Variants in FAM13A observed in about 807,000 individuals in gnomAD.
FAM13A encodes the protein family with sequence similarity 13 member A.
FAM13A carries 76 observed loss-of-function variants against 129.6 expected under a neutral mutation model. That is an observed-to-expected ratio of 0.59 (90% CI 0.49 to 0.71). FAM13A has a LOEUF of 0.71. Ranked by LOEUF, FAM13A falls within the 30% of genes least tolerant of loss-of-function variation. FAM13A has a pLI of 0.00. For synonymous variants in FAM13A, 443 were observed against 449.9 expected (o/e 0.98, Z 0.20); for missense variants, 1,108 against 1,249.3 (o/e 0.89, Z 1.70).
intron 1 of FAM13A, among the ~76,000 whole-genome samples, chr4:89,043,437 G>A (rs1037936539): frequency 6.6e-6 from 1 of 152,054 alleles, no homozygotes; most frequent in Non-Finnish European, 1.5e-5. Context: ...GCAATAGAGG[G>A]GGGAATCTCC....
chr4:88,879,087 T>C (rs1402305764), intron 6 of FAM13A, among the ~76,000 whole-genome samples: 1 of 152,180 alleles, frequency 6.6e-6, no homozygotes, highest in Non-Finnish European at 1.5e-5. Context: ...CCTTTATATA[T>C]AAAACACATC....
In FAM13A at chr4:88,880,148, C is replaced by T. The variant is rs141821410; in HGVS notation, c.843+26231G>A. ...TGGAGACTCACACTGTGAACTTTTG[C>T]TCCTAGAACTACCACAGGGACATAG... On this transcript the variant is annotated intron_variant, in intron 6 of 23. Transcript: ENST00000264344. Among the ~76,000 whole-genome samples, 386 of 152,224 alleles carry T rather than the reference C, an allele frequency of 2.5e-3. 3 individuals are homozygous for T. Among genetic ancestry groups the T allele is most frequent in the African/African-American group, 8.8e-3 (367 of 41,542 alleles).
At chr4:88,943,118 CTA>C (rs1250874223) in intron 4 of FAM13A, among the ~76,000 whole-genome samples, 1 of 152,152 alleles carries the variant, frequency 6.6e-6, no homozygotes, top group African/African-American at 2.4e-5. Context: ...AAATGAATGA[CTA>C]TTATTCACAG....
At chr4:88,967,759 G>T (rs1178531713) in intron 4 of FAM13A, among the ~76,000 whole-genome samples, 1 of 152,204 alleles carries the variant, frequency 6.6e-6, no homozygotes, top group Non-Finnish European at 1.5e-5. Flanking sequence ...TTAATCAGCA[G>T]TTCAGTTATT....
At chr4:88,824,832 C>T (rs1054994380) in intron 7 of FAM13A, among the ~76,000 whole-genome samples, 2 of 151,704 alleles carry the variant, frequency 1.3e-5, no homozygotes, top group African/African-American at 2.4e-5. Context: ...CTCAGCCTCC[C>T]GAGTAGCTGG....
At chr4:88,892,982 C>T (rs1051333021) in intron 6 of FAM13A, among the ~76,000 whole-genome samples, 2 of 152,144 alleles carry the variant, frequency 1.3e-5, no homozygotes, top group East Asian at 3.9e-4. Context: ...TGAATACATA[C>T]AACTGATAAC....
chr4:89,055,806 G>A (rs1229923060), intron 1 of FAM13A, among the ~76,000 whole-genome samples: 2 of 152,166 alleles, frequency 1.3e-5, no homozygotes, highest in East Asian at 1.9e-4. Context: ...GGAAGACAGA[G>A]TGACATACAT....
intron 5 of FAM13A, among the ~76,000 whole-genome samples, chr4:88,923,401 C>A (rs368058011): frequency 6.6e-6 from 1 of 152,084 alleles, no homozygotes; most frequent in South Asian, 2.1e-4. Flanking sequence ...GTTCAACAAA[C>A]GCAAATCAAT....
intron 7 of FAM13A, among the ~76,000 whole-genome samples, chr4:88,813,164 A>G (rs1730002244): frequency 6.6e-6 from 1 of 152,162 alleles, no homozygotes; most frequent in South Asian, 2.1e-4. Context: ...GTAATGTTTG[A>G]GTATGGCCTT....
chr4:88,819,559 AT>A (rs1731483184), intron 7 of FAM13A, among the ~76,000 whole-genome samples: 1 of 152,182 alleles, frequency 6.6e-6, no homozygotes, highest in African/African-American at 2.4e-5. Flanking sequence ...TGAAATATGA[AT>A]TGTACAAAGA....
At position 89,020,448 on chromosome 4, in the gene FAM13A, TATTGTACTAACCCTGAAAGAGTTGA is replaced by T. The variant is rs757345113; in HGVS notation, c.414_427+11del. ...AGTTGTTTTAACTCCTAAAAGGATT[TATTGTACTAACCCTGAAAGAGTTGA>T]ATGAATCGAGGCTGCAACGCTGAGG... On this transcript the variant is annotated splice_donor_variant and splice_donor_5th_base_variant and coding_sequence_variant and intron_variant, in exon 3 of 24. Coordinates refer to ENST00000264344, the MANE Select transcript of FAM13A (RefSeq NM_014883.4). LOFTEE classifies it high-confidence loss of function. 5 of 1,605,864 alleles carry T rather than the reference TATTGTACTAACCCTGAAAGAGTTGA, an allele frequency of 3.1e-6. No individual in the cohort carries two copies. In the African/African-American group the frequency reaches 6.7e-5, roughly 22 times the overall value.
chr4:88,892,239 G>A (rs1453832342), intron 6 of FAM13A, among the ~76,000 whole-genome samples: 2 of 147,876 alleles, frequency 1.4e-5, no homozygotes, highest in African/African-American at 5.0e-5. Flanking sequence ...GAGTGCAGTG[G>A]CGAGATCTCG....
At chr4:89,039,386 A>G (rs577992217) in intron 1 of FAM13A, among the ~76,000 whole-genome samples, 1 of 152,366 alleles carries the variant, frequency 6.6e-6, no homozygotes, top group East Asian at 1.9e-4. Context: ...CACAATGCAT[A>G]ACACAAACAG....
Position 88,863,171 on chromosome 4 carries a change from G to A in FAM13A, c.844-11988C>T, listed in dbSNP as rs139339925. On this transcript the variant is annotated intron_variant, in intron 6 of 23. Coordinates refer to ENST00000264344, the MANE Select transcript of FAM13A (RefSeq NM_014883.4). ...ACTGGCTGCCAGAGGAACTAACTGC[G>A]TGATTAGAGGGTGGGAACTTACAGC... Among the ~76,000 whole-genome samples, 242 of 152,240 alleles carry A rather than the reference G, an allele frequency of 1.6e-3. 2 individuals carry two copies. Among genetic ancestry groups the A allele is most frequent in the African/African-American group, 5.6e-3 (234 of 41,534 alleles).
intron 6 of FAM13A, among the ~76,000 whole-genome samples, chr4:88,873,874 G>A (rs1264613740): frequency 4.6e-5 from 7 of 152,072 alleles, no homozygotes; most frequent in Non-Finnish European, 7.4e-5. Context: ...GATGAACATT[G>A]ATGCAAAAAT....
intron 11 of FAM13A, among the ~76,000 whole-genome samples, chr4:88,771,446 T>C (rs1000780302): frequency 6.6e-6 from 1 of 152,154 alleles, no homozygotes; most frequent in African/African-American, 2.4e-5. Flanking sequence ...TAATAGTACT[T>C]GTCTAACAAG....
intron 4 of FAM13A, among the ~76,000 whole-genome samples, chr4:88,985,774 A>G (rs1343299996): frequency 1.3e-5 from 2 of 152,170 alleles, no homozygotes; most frequent in East Asian, 3.9e-4. Context: ...GAAACAAACG[A>G]CCATCAGAAA....
At chr4:88,979,275 T>C (rs1444082817) in intron 4 of FAM13A, among the ~76,000 whole-genome samples, 1 of 152,236 alleles carries the variant, frequency 6.6e-6, no homozygotes, top group Non-Finnish European at 1.5e-5. Flanking sequence ...GTGACCTTTC[T>C]AGAGCACAAA....
At chr4:88,937,956 A>T (rs1754106386) in intron 5 of FAM13A, 132 bp downstream of exon 5, 2 of 636,444 alleles carry the variant, frequency 3.1e-6, no homozygotes, top group Non-Finnish European at 5.4e-6. Context: ...AGATTTCATA[A>T]GAAGGATTCA....
Sources: allele counts gnomAD v4.1 joint callset (sites outside exome capture counted in the v4.1 genomes callset), GRCh38; gene constraint gnomAD v4.1.1; transcripts MANE v1.5; gene names NCBI Gene and HGNC (gene_info 2026-07-23, HGNC 2026-07-21).